The following ZNF445 variants were observed in gnomAD, a reference collection of about 807,000 sequenced individuals.
ZNF445 encodes zinc finger protein 445.
In ZNF445, 19 loss-of-function variants were observed where a neutral mutation model predicts 93.9. That is an observed-to-expected ratio of 0.20 (90% CI 0.14 to 0.30). ZNF445 has a LOEUF of 0.30. Ranked by LOEUF, ZNF445 falls within the 10% of genes least tolerant of loss-of-function variation. The pLI, the probability that ZNF445 is intolerant of heterozygous loss-of-function variation, is 1.00. For missense variants in ZNF445, 1,058 were observed against 1,259.4 expected (o/e 0.84, Z 2.42); for synonymous variants, 449 against 446.3 (o/e 1.01, Z -0.08).
At chr3:44,462,416 T>C (rs1698129095) in intron 1 of ZNF445, among the ~76,000 whole-genome samples, 1 of 152,218 alleles carries the variant, frequency 6.6e-6, no homozygotes, top group Non-Finnish European at 1.5e-5. Context: ...CTTTGCAAGC[T>C]TGAAATTGGC....
At position 44,438,547 on chromosome 3, in the gene ZNF445, C is replaced by T. The variant is rs559442672; in HGVS notation, c.*8028G>A. On this transcript the variant is annotated 3_prime_UTR_variant, in exon 8 of 8. Coordinates refer to ENST00000396077, the MANE Select transcript of ZNF445 (RefSeq NM_181489.6). ...TCTTGACCTCGTGATCTGCCCGCCT[C>T]AGCCTCCCAAAGTGCTGGGATTACA... The T allele has an allele frequency of 4.4e-4, 67 of 152,258 alleles. No individual in the cohort carries two copies. The highest frequency in any genetic ancestry group is 1.6e-3 in the African/African-American group (66 of 41,532). The allele number at this position is 152,258 out of a possible 1,614,324, so 9.4% of individuals were successfully genotyped here. A position where few individuals can be genotyped will look rare whatever the true frequency, so the allele number is the denominator to read the frequency against.
In ZNF445 at chr3:44,447,900, G is replaced by A. The variant is rs1469585240; in HGVS notation, c.1771C>T (p.Gln591Ter). ...SSGFDHHLGD[Q>*]SGEKLFDCSQ... is the part of the protein sequence containing the mutation. ...CAGTCAAAGAGTTTCTCCCCACTTT[G>A]GTCTCCCAAATGATGATCAAACCCT... Residue 591 changes from glutamine to a stop codon, truncating the protein, a stop_gained, in exon 8 of 8, where the codon CAA becomes TAA. Transcript: ENST00000396077. LOFTEE classifies it high-confidence loss of function. The surrounding 1 kb of genome is among the most constrained non-coding windows in gnomAD (Gnocchi z 4.7). 6.2e-7 allele frequency: 1 copy of A among 1,613,660 alleles called. No individual in the cohort carries two copies.
chr3:44,449,650 G>C, intron 6 of ZNF445, 27 bp from the exon 7 acceptor site: 1 of 1,563,450 alleles, frequency 6.4e-7, no homozygotes, highest in South Asian at 1.1e-5. Context: ...AATGGCATGA[G>C]AAGGGAGATG....
At chr3:44,474,423 A>G (rs1393197108) in intron 1 of ZNF445, among the ~76,000 whole-genome samples, 1 of 152,082 alleles carries the variant, frequency 6.6e-6, no homozygotes, top group Non-Finnish European at 1.5e-5. Flanking sequence ...CTGAGGCAGG[A>G]GAATCACTTG....
chr3:44,447,967 A>C lies in ZNF445; in HGVS notation c.1704T>G (p.Phe568Leu), dbSNP rs763687810. ...CTGCCCTATACTGATTCAATTCAAGAAATTTCTTCTTAGCATGGGTTTCTC... is the reference window on the plus strand; with the variant it reads ...CTGCCCTATACTGATTCAATTCAAGCAATTTCTTCTTAGCATGGGTTTCTC... ...LHRETHAKKK[F>L]LELNQYRAAL... The change falls in exon 8 of 8, where the codon TTT becomes TTG. Residue 568 changes from phenylalanine to leucine, a missense_variant. Physicochemically the swap from Phe to Leu is conservative, Grantham distance 22. This residue lies in a region of ZNF445 where 657 missense variants were observed against 746.4 expected (regional missense o/e 0.88). Transcript: ENST00000396077. This position sits in a 1 kb window ranked among gnomAD's most constrained non-coding sequence, Gnocchi z 4.7. 1.2e-5 allele frequency: 19 copies of C among 1,612,752 alleles called. No homozygotes were observed. The South Asian group carries it at 2.1e-4, about 18-fold the overall frequency.
At position 44,465,988 on chromosome 3, in the gene ZNF445, GA is replaced by G. The variant is rs550491122; in HGVS notation, c.-268-7625del. On this transcript the variant is annotated intron_variant, in intron 1 of 7. Coordinates refer to ENST00000396077, the MANE Select transcript of ZNF445 (RefSeq NM_181489.6). ...ATTAAAGATGCATTAATGCAAACAT[GA>G]AATTTGGTTTTCTCTTTTGAAGATG... Among the ~76,000 whole-genome samples the G allele has an allele frequency of 1.4e-4, 22 of 152,220 alleles. No individual in the cohort carries two copies. In the East Asian group the frequency reaches 4.2e-3, roughly 29 times the overall value.
In ZNF445 at chr3:44,445,218, A is replaced by G. The variant is rs568432585; in HGVS notation, c.*1357T>C. ...ATGAACACAACAATGGTAAGCGTTT[A>G]TATCTGCTGAGGCCGAGGATCCTAT... On this transcript the variant is annotated 3_prime_UTR_variant, in exon 8 of 8. Transcript: ENST00000396077. 2.0e-5 allele frequency: 3 copies of G among 152,258 alleles called. No homozygotes were observed. Among genetic ancestry groups the G allele is most frequent in the Non-Finnish European group, 4.4e-5 (3 of 68,072 alleles). The allele number at this position is 152,258 out of a possible 1,614,324, so 9.4% of individuals were successfully genotyped here. A position where few individuals can be genotyped will look rare whatever the true frequency, so the allele number is the denominator to read the frequency against.
intron 1 of ZNF445, among the ~76,000 whole-genome samples, chr3:44,459,970 T>A (rs999864233): frequency 6.6e-6 from 1 of 152,112 alleles, no homozygotes; most frequent in Non-Finnish European, 1.5e-5. Context: ...AGGAGGCCAA[T>A]ATGGGAGGAT....
chr3:44,472,504 C>T (rs1216540178), intron 1 of ZNF445, among the ~76,000 whole-genome samples: 1 of 152,198 alleles, frequency 6.6e-6, no homozygotes, highest in East Asian at 1.9e-4. Context: ...TGCCACCTTG[C>T]CTGGCAGTAA....
intron 1 of ZNF445, among the ~76,000 whole-genome samples, chr3:44,466,692 A>ATGGT (rs1341423389): frequency 6.6e-6 from 1 of 152,190 alleles, no homozygotes; most frequent in Non-Finnish European, 1.5e-5. Context: ...CAGGTATAAA[A>ATGGT]TTTAACAGGT....
In ZNF445 at chr3:44,447,130, T is replaced by C; in HGVS notation, c.2541A>G (p.Lys847=). Residue 847 remains lysine (K), a synonymous_variant, in exon 8 of 8, where the codon AAA becomes AAG. Coordinates refer to ENST00000396077, the MANE Select transcript of ZNF445 (RefSeq NM_181489.6). This position sits in a 1 kb window ranked among gnomAD's most constrained non-coding sequence, Gnocchi z 4.7. ...EKRFWCQECG[K]TFTRKRTLLD... is the part of the protein sequence containing the mutation. ...AAAGGGTTCTTTTACGTGTAAAGGT[T>C]TTCCCACATTCTTGACACCAAAAAC... The C allele has an allele frequency of 6.2e-7, 1 of 1,614,208 alleles. No individual in the cohort carries two copies. Among genetic ancestry groups the C allele is most frequent in the South Asian group, 1.1e-5 (1 of 91,086 alleles).
Position 44,447,879 on chromosome 3 carries a change from CAA to C in ZNF445, c.1790_1791del (p.Phe597Ter). The C allele has an allele frequency of 1.2e-6, 2 of 1,613,986 alleles. No individual in the cohort carries two copies. Among genetic ancestry groups the C allele is most frequent in the South Asian group, 1.1e-5 (1 of 91,068 alleles). Reference sequence around the variant, plus strand: ...AAGGATTTCCTGCACTGGCTGCAGTCAAAGAGTTTCTCCCCACTTTGGTCTCC... The same window carrying C: ...AAGGATTTCCTGCACTGGCTGCAGTCAGAGTTTCTCCCCACTTTGGTCTCC... ...HLGDQSGEKL[F>X]DCSQCRKSFH... is the part of the protein sequence containing the mutation. On this transcript the variant is annotated frameshift_variant, in exon 8 of 8. Coordinates refer to ENST00000396077, the MANE Select transcript of ZNF445 (RefSeq NM_181489.6). LOFTEE classifies it high-confidence loss of function. This position sits in a 1 kb window ranked among gnomAD's most constrained non-coding sequence, Gnocchi z 4.7.
At position 44,434,378 on chromosome 3, in the gene ZNF445, G is replaced by A. The variant is rs549187577; in HGVS notation, c.*12197C>T. ...GTGAGCCAAGATTGCCTCCACTCCA[G>A]CTCGAGCTACAGAGTGAGACTCTGT... On this transcript the variant is annotated 3_prime_UTR_variant, in exon 8 of 8. Transcript: ENST00000396077. 7 of 151,900 alleles carry A rather than the reference G, an allele frequency of 4.6e-5. No homozygotes were observed. The highest frequency in any genetic ancestry group is 1.7e-4 in the African/African-American group (7 of 41,386). 9.4% of individuals were successfully genotyped at this position (151,900 alleles called of 1,614,324 possible).
intron 1 of ZNF445, among the ~76,000 whole-genome samples, chr3:44,467,971 T>A (rs1274377734): frequency 6.6e-6 from 1 of 152,220 alleles, no homozygotes; most frequent in Non-Finnish European, 1.5e-5. Context: ...GTACTCCTCA[T>A]CCTAGGACTC....
At chr3:44,465,659 T>A (rs1374630506) in intron 1 of ZNF445, among the ~76,000 whole-genome samples, 1 of 152,222 alleles carries the variant, frequency 6.6e-6, no homozygotes, top group African/African-American at 2.4e-5. Flanking sequence ...ACACCTGTAA[T>A]CCTAGCACTT....
intron 1 of ZNF445, among the ~76,000 whole-genome samples, chr3:44,477,369 G>A (rs999085209): frequency 2.0e-5 from 3 of 152,186 alleles, no homozygotes; most frequent in African/African-American, 7.2e-5. Flanking sequence ...GAGAAACCCG[G>A]GCTCCAGATT....
At position 44,436,758 on chromosome 3, in the gene ZNF445, C is replaced by G. The variant is rs368049044; in HGVS notation, c.*9817G>C. The G allele has an allele frequency of 1.0e-4, 10 of 97,296 alleles. No homozygotes were observed. In the East Asian group the frequency reaches 2.8e-3, roughly 28 times the overall value. 6.0% of individuals were successfully genotyped at this position (97,296 alleles called of 1,614,324 possible). A position where few individuals can be genotyped will look rare whatever the true frequency, so the allele number is the denominator to read the frequency against. Reference sequence around the variant, plus strand: ...CTCCCAAGCTGGGATTACAGTGAGTCCATATCTCAACAACTCAAAGCAAAT... The same window carrying G: ...CTCCCAAGCTGGGATTACAGTGAGTGCATATCTCAACAACTCAAAGCAAAT... On this transcript the variant is annotated 3_prime_UTR_variant, in exon 8 of 8. Coordinates refer to ENST00000396077, the MANE Select transcript of ZNF445 (RefSeq NM_181489.6).
At chr3:44,449,270 G>A (rs1318112534) in intron 7 of ZNF445, among the ~76,000 whole-genome samples, 1 of 152,086 alleles carries the variant, frequency 6.6e-6, no homozygotes, top group Non-Finnish European at 1.5e-5. Context: ...CAGCAGGCAA[G>A]AACTATTATT....
At chr3:44,460,173 G>C (rs1422684745) in intron 1 of ZNF445, among the ~76,000 whole-genome samples, 1 of 152,184 alleles carries the variant, frequency 6.6e-6, no homozygotes, top group Non-Finnish European at 1.5e-5. Flanking sequence ...TAGGCCTAAA[G>C]AAAAGTGAAA....
Sources: gnomAD v4.1 joint callset for allele counts (sites outside exome capture counted in the v4.1 genomes callset) on GRCh38, gnomAD v4.1.1 for gene constraint, gnomAD v4.1.1 regional missense constraint, Gnocchi (gnomAD v3.1) non-coding constraint, MANE v1.5 for transcripts, NCBI Gene and HGNC (gene_info 2026-07-23, HGNC 2026-07-21) for gene names.